YWHAG: variants seen among roughly 807,000 people sequenced by gnomAD.
YWHAG encodes tyrosine 3-monooxygenase/tryptophan 5-monooxygenase activation protein gamma.
Under a neutral mutation model 23.3 loss-of-function variants are expected in YWHAG, and 1 was observed. The ratio of observed to expected loss-of-function variants is 0.04; its 90% CI spans 0.02 to 0.20. YWHAG has a LOEUF of 0.20. Among genes scored for constraint, YWHAG ranks in the 10% least tolerant of loss-of-function variants. YWHAG has a pLI of 1.00. For missense variants in YWHAG, 151 were observed against 338.6 expected, an observed-to-expected ratio of 0.45 and a Z score of 4.35; for synonymous variants, 160 against 144.0, an observed-to-expected ratio of 1.11 and a Z score of -0.80.
At chr7:76,337,723 C>T (rs180768951) in intron 1 of YWHAG, among the ~76,000 whole-genome samples, 5 of 151,976 alleles carry the variant, frequency 3.3e-5, no homozygotes, top group African/African-American at 7.2e-5. Context: ...TTAGTAGAGA[C>T]GGGGTTTCAC....
chr7:76,349,550 C>T (rs1803843115), intron 1 of YWHAG, among the ~76,000 whole-genome samples: 1 of 152,042 alleles, frequency 6.6e-6, no homozygotes, highest in Non-Finnish European at 1.5e-5. Flanking sequence ...GTAATTCACT[C>T]AGCAAGTGTT....
At position 76,349,355 on chromosome 7, in the gene YWHAG, T is replaced by A. The variant is rs1433584945; in HGVS notation, c.87+9367A>T. On this transcript the variant is annotated intron_variant, in intron 1 of 1. Coordinates refer to ENST00000307630, the MANE Select transcript of YWHAG (RefSeq NM_012479.4). ...TCTGTCTCAAAAAAAAAAAAAAAAA[T>A]ACCAAAAAGTACCGTTAAGTTTTCC... Among the ~76,000 whole-genome samples, 345 of 130,412 alleles carry A rather than the reference T, an allele frequency of 2.6e-3. 4 individuals carry two copies. The highest frequency in any genetic ancestry group is 8.4e-3 in the African/African-American group (304 of 36,306). 85.6% of individuals were successfully genotyped at this position (130,412 alleles called of 152,430 possible).
intron 1 of YWHAG, among the ~76,000 whole-genome samples, chr7:76,346,619 A>G (rs1322902497): frequency 6.6e-6 from 1 of 151,926 alleles, no homozygotes; most frequent in East Asian, 1.9e-4. Context: ...TTCTTCTTCT[A>G]TCTCTGGCCA....
At chr7:76,342,965 C>A (rs917372193) in intron 1 of YWHAG, among the ~76,000 whole-genome samples, 1 of 151,966 alleles carries the variant, frequency 6.6e-6, no homozygotes, top group African/African-American at 2.4e-5. Context: ...CATGAAGCCC[C>A]GTCTCTACTA....
At position 76,327,701 on chromosome 7, in the gene YWHAG, C is replaced by T. The variant is rs1267538909; in HGVS notation, c.*1876G>A. ...CCCCCTCCCCCCCCAAATCGTCTTC[C>T]TCCCATGGCAATGACTTTAGGCGCC... On this transcript the variant is annotated 3_prime_UTR_variant, in exon 2 of 2. Coordinates refer to ENST00000307630, the MANE Select transcript of YWHAG (RefSeq NM_012479.4). 1 of 137,166 alleles carries T rather than the reference C, an allele frequency of 7.3e-6. No homozygotes were observed. The highest frequency in any genetic ancestry group is 7.4e-5 in the Admixed American group (1 of 13,456). The allele number at this position is 137,166 out of a possible 1,614,324, so 8.5% of individuals were successfully genotyped here.
intron 1 of YWHAG, among the ~76,000 whole-genome samples, chr7:76,332,327 C>T (rs1247283933): frequency 1.3e-5 from 2 of 152,148 alleles, no homozygotes; most frequent in African/African-American, 4.8e-5. Context: ...TCCAGCAGAC[C>T]GCTGTCACTC....
chr7:76,335,161 G>A (rs1416086738), intron 1 of YWHAG, among the ~76,000 whole-genome samples: 2 of 152,094 alleles, frequency 1.3e-5, no homozygotes, highest in African/African-American at 2.4e-5. Context: ...GGGTTCAAGC[G>A]ATTCTCCTGC....
chr7:76,329,415 G>T lies in YWHAG; in HGVS notation c.*162C>A. 2.2e-6 allele frequency: 2 copies of T among 928,964 alleles called. No individual in the cohort carries two copies. The highest frequency in any genetic ancestry group is 3.1e-6 in the Non-Finnish European group (2 of 639,416). 57.5% of individuals were successfully genotyped at this position (928,964 alleles called of 1,614,324 possible). A position where few individuals can be genotyped will look rare whatever the true frequency, so the allele number is the denominator to read the frequency against. On this transcript the variant is annotated 3_prime_UTR_variant, in exon 2 of 2. Transcript: ENST00000307630. The surrounding 1 kb of genome is among the most constrained non-coding windows in gnomAD (Gnocchi z 6.1). Reference sequence around the variant, plus strand: ...CCTGACTTTCCACTAGTGGTATTTTGGCAAAAATGTCAAAGAGGCGATCAA... The same window carrying T: ...CCTGACTTTCCACTAGTGGTATTTTTGCAAAAATGTCAAAGAGGCGATCAA...
chr7:76,358,877 C>G lies in YWHAG; in HGVS notation c.-69G>C. 1 of 1,447,282 alleles carries G rather than the reference C, an allele frequency of 6.9e-7. No individual in the cohort carries two copies. Among genetic ancestry groups the G allele is most frequent in the Non-Finnish European group, 9.3e-7 (1 of 1,072,398 alleles). The allele number at this position is 1,447,282 out of a possible 1,614,324, so 89.7% of individuals were successfully genotyped here. Reference sequence around the variant, plus strand: ...GGCGGCCTGAAGGGCTTGGAGGGCGCGACTGGAGCCCAAGTGCCGGAGAGG... The same window carrying G: ...GGCGGCCTGAAGGGCTTGGAGGGCGGGACTGGAGCCCAAGTGCCGGAGAGG... On this transcript the variant is annotated 5_prime_UTR_variant, in exon 1 of 2. Coordinates refer to ENST00000307630, the MANE Select transcript of YWHAG (RefSeq NM_012479.4).
chr7:76,335,047 T>C (rs576352820), intron 1 of YWHAG, among the ~76,000 whole-genome samples: 1 of 152,234 alleles, frequency 6.6e-6, no homozygotes, highest in African/African-American at 2.4e-5. Flanking sequence ...CAAGTTCAAA[T>C]TTCTTATTTT....
At chr7:76,349,515 C>CA (rs1583992463) in intron 1 of YWHAG, among the ~76,000 whole-genome samples, 1 of 151,068 alleles carries the variant, frequency 6.6e-6, no homozygotes, top group African/African-American at 2.4e-5. Flanking sequence ...AACAGGGTAC[C>CA]AAAAAATGAA....
chr7:76,330,271 T>G, intron 1 of YWHAG, 38 bp from the exon 2 acceptor site: 2 of 1,582,578 alleles, frequency 1.3e-6, no homozygotes, highest in Non-Finnish European at 1.7e-6. Flanking sequence ...ATGGTACAGA[T>G]GGTGTCCACT....
chr7:76,333,554 T>C (rs1803574538), intron 1 of YWHAG, among the ~76,000 whole-genome samples: 1 of 152,248 alleles, frequency 6.6e-6, no homozygotes, highest in African/African-American at 2.4e-5. Flanking sequence ...CGAGTGTCTC[T>C]TCTCCGTTTC....
At position 76,329,493 on chromosome 7, in the gene YWHAG, TCC is replaced by T; in HGVS notation, c.*82_*83del. ...TGGGAAGGTCATCCCTCCCTTTCCC[TCC>T]CCCACCCGACCCCCAACTCATGGGA... On this transcript the variant is annotated 3_prime_UTR_variant, in exon 2 of 2. Transcript: ENST00000307630. This position sits in a 1 kb window ranked among gnomAD's most constrained non-coding sequence, Gnocchi z 6.1. 1 of 437,456 alleles carries T rather than the reference TCC, an allele frequency of 2.3e-6. No individual in the cohort carries two copies. Among genetic ancestry groups the T allele is most frequent in the Non-Finnish European group, 4.2e-6 (1 of 235,766 alleles). 27.1% of individuals were successfully genotyped at this position (437,456 alleles called of 1,614,324 possible).
rs191875140 is a variant in YWHAG at position 76,340,021 on chromosome 7, G to A, written c.88-9788C>T. Among the ~76,000 whole-genome samples the A allele has an allele frequency of 2.9e-3, 435 of 152,078 alleles. 1 individual carries two copies. Among genetic ancestry groups the A allele is most frequent in the South Asian group, 4.8e-3 (23 of 4,812 alleles). On this transcript the variant is annotated intron_variant, in intron 1 of 1. Coordinates refer to ENST00000307630, the MANE Select transcript of YWHAG (RefSeq NM_012479.4). ...GGAGAATTGCTTGAACCTGGGAGGCGGACATTGCAGTGAGCCAAGATCATG... is the reference window on the plus strand; with the variant it reads ...GGAGAATTGCTTGAACCTGGGAGGCAGACATTGCAGTGAGCCAAGATCATG...
chr7:76,341,547 G>T (rs976764430), intron 1 of YWHAG, among the ~76,000 whole-genome samples: 41 of 152,100 alleles, frequency 2.7e-4, no homozygotes, highest in African/African-American at 9.2e-4. Flanking sequence ...CTATGTAATG[G>T]AATATTATTT....
chr7:76,358,895 C>T lies in YWHAG; in HGVS notation c.-87G>A, dbSNP rs1804006864. 2 of 1,291,350 alleles carry T rather than the reference C, an allele frequency of 1.5e-6. No individual in the cohort carries two copies. The highest frequency in any genetic ancestry group is 2.9e-5 in the East Asian group (1 of 34,788). The allele number at this position is 1,291,350 out of a possible 1,614,324, so 80.0% of individuals were successfully genotyped here. On this transcript the variant is annotated 5_prime_UTR_variant, in exon 1 of 2. Coordinates refer to ENST00000307630, the MANE Select transcript of YWHAG (RefSeq NM_012479.4). ...GAGGGCGCGACTGGAGCCCAAGTGC[C>T]GGAGAGGACCGACCCACAGAGCGAG...
chr7:76,351,489 T>C (rs1367459277), intron 1 of YWHAG, among the ~76,000 whole-genome samples: 1 of 152,154 alleles, frequency 6.6e-6, no homozygotes, highest in African/African-American at 2.4e-5. Context: ...ATCTATTCTC[T>C]ATAGTAGGGG....
At chr7:76,358,245 TG>T (rs1803990928) in intron 1 of YWHAG, among the ~76,000 whole-genome samples, 1 of 151,538 alleles carries the variant, frequency 6.6e-6, no homozygotes, top group African/African-American at 2.4e-5. Flanking sequence ...CTGGGGGGGC[TG>T]GGGAGGTGGA....
Sources: gnomAD v4.1 joint callset for allele counts (sites outside exome capture counted in the v4.1 genomes callset) on GRCh38, gnomAD v4.1.1 for gene constraint, Gnocchi (gnomAD v3.1) non-coding constraint, MANE v1.5 for transcripts, NCBI Gene and HGNC (gene_info 2026-07-23, HGNC 2026-07-21) for gene names.